The following FSIP1 variants were observed in gnomAD, a reference collection of about 807,000 sequenced individuals.
FSIP1 encodes fibrous sheath interacting protein 1, also known as fibrous sheath-interacting protein 1.
FSIP1 carries 65 observed loss-of-function variants against 60.9 expected under a neutral mutation model. The observed-to-expected ratio is 1.07, with a 90% CI of 0.87 to 1.31. FSIP1 has a LOEUF of 1.31. Ranked by LOEUF, FSIP1 falls within the 40% of genes most tolerant of loss-of-function variation. FSIP1 has a pLI of 0.00. For synonymous variants in FSIP1, 209 were observed against 221.2 expected (o/e 0.94, Z 0.49); for missense variants, 675 against 665.5 (o/e 1.01, Z -0.16).
intron 9 of FSIP1, among the ~76,000 whole-genome samples, chr15:39,716,349 A>C (rs1895737760): frequency 6.6e-6 from 1 of 152,218 alleles, no homozygotes; most frequent in Non-Finnish European, 1.5e-5. Context: ...GAAAGAAAAA[A>C]ATTATAAGTT....
intron 3 of FSIP1, among the ~76,000 whole-genome samples, chr15:39,769,107 G>A (rs1438314210): frequency 1.3e-5 from 2 of 151,856 alleles, no homozygotes; most frequent in South Asian, 2.1e-4. Flanking sequence ...GTGAAACCCC[G>A]TCTCTACTAA....
At chr15:39,758,119 A>C (rs1030065233) in intron 5 of FSIP1, among the ~76,000 whole-genome samples, 1 of 152,182 alleles carries the variant, frequency 6.6e-6, no homozygotes, top group Non-Finnish European at 1.5e-5. Flanking sequence ...GGCCTACAGC[A>C]GTCACATAAC....
At chr15:39,688,701 C>A (rs576989419) in intron 10 of FSIP1, among the ~76,000 whole-genome samples, 1 of 152,230 alleles carries the variant, frequency 6.6e-6, no homozygotes, top group Admixed American at 6.5e-5. Flanking sequence ...GAAGCACAGC[C>A]CTGTTCCACA....
chr15:39,724,180 T>C (rs957518716), intron 9 of FSIP1, among the ~76,000 whole-genome samples: 2 of 152,154 alleles, frequency 1.3e-5, no homozygotes, highest in Non-Finnish European at 2.9e-5. Flanking sequence ...TTTTAAAATA[T>C]CTTATCTGAA....
intron 10 of FSIP1, among the ~76,000 whole-genome samples, chr15:39,678,281 A>C (rs1205636316): frequency 1.3e-5 from 2 of 152,070 alleles, no homozygotes; most frequent in Non-Finnish European, 2.9e-5. Context: ...ATTAATAAAC[A>C]TACTCCATTT....
intron 10 of FSIP1, among the ~76,000 whole-genome samples, chr15:39,663,634 C>G (rs760621225): frequency 6.6e-6 from 1 of 152,034 alleles, no homozygotes; most frequent in Non-Finnish European, 1.5e-5. Flanking sequence ...ATGGACTAAA[C>G]CATTTTCATT....
intron 5 of FSIP1, among the ~76,000 whole-genome samples, chr15:39,752,486 T>C (rs1897192594): frequency 1.3e-5 from 2 of 152,044 alleles, no homozygotes; most frequent in Admixed American, 1.3e-4. Flanking sequence ...GTTATGTTAA[T>C]AATATGATGT....
intron 9 of FSIP1, among the ~76,000 whole-genome samples, chr15:39,715,105 T>C (rs1229220141): frequency 6.6e-6 from 1 of 152,100 alleles, no homozygotes; most frequent in Non-Finnish European, 1.5e-5. Flanking sequence ...ACCCTGTTGA[T>C]TCCATTCTTT....
At chr15:39,597,549 A>G (rs1890498092), downstream of FSIP1, 1 of 152,054 alleles carries the variant, frequency 6.6e-6, no homozygotes, top group Non-Finnish European at 1.5e-5. Flanking sequence ...AAATCAATAT[A>G]GCATATACAA....
intron 10 of FSIP1, among the ~76,000 whole-genome samples, chr15:39,635,968 G>A (rs537381964): frequency 2.0e-5 from 3 of 152,152 alleles, no homozygotes; most frequent in South Asian, 4.2e-4. Flanking sequence ...CCTCCTCACT[G>A]TATCTCTTAG....
intron 10 of FSIP1, among the ~76,000 whole-genome samples, chr15:39,671,962 G>T (rs1192122657): frequency 6.6e-6 from 1 of 152,162 alleles, no homozygotes; most frequent in African/African-American, 2.4e-5. Context: ...AATCCAACTA[G>T]AGTCACCTAC....
At chr15:39,620,640 G>T (rs1447089811) in intron 10 of FSIP1, among the ~76,000 whole-genome samples, 1 of 150,844 alleles carries the variant, frequency 6.6e-6, no homozygotes, top group Non-Finnish European at 1.5e-5. Context: ...CGCGCAGGCT[G>T]GAGTGCAGTG....
intron 10 of FSIP1, among the ~76,000 whole-genome samples, chr15:39,650,631 A>G (rs1422690516): frequency 6.6e-6 from 1 of 152,156 alleles, no homozygotes; most frequent in Non-Finnish European, 1.5e-5. Context: ...TTTGAAAACG[A>G]CTTTATGTAG....
In FSIP1 at chr15:39,764,609, G is replaced by A. The variant is rs554541750; in HGVS notation, c.466-695C>T. Among the ~76,000 whole-genome samples the A allele has an allele frequency of 2.0e-5, 3 of 152,264 alleles. No individual in the cohort carries two copies. In the East Asian group the frequency reaches 5.8e-4, roughly 29 times the overall value. On this transcript the variant is annotated intron_variant, in intron 4 of 11. Transcript: ENST00000350221. ...GGTCAAAATTGAAATATGAGCCAAT[G>A]GCTATATACCAAGTCAATGCCAACA...
chr15:39,623,337 C>A (rs1386193827), intron 10 of FSIP1, among the ~76,000 whole-genome samples: 1 of 152,174 alleles, frequency 6.6e-6, no homozygotes, highest in Non-Finnish European at 1.5e-5. Flanking sequence ...GCAATCTTGT[C>A]CTTTGATGTA....
At chr15:39,705,854 C>T (rs1167374499) in intron 10 of FSIP1, among the ~76,000 whole-genome samples, 3 of 151,884 alleles carry the variant, frequency 2.0e-5, no homozygotes, top group East Asian at 1.9e-4. Context: ...AAAACTTAGC[C>T]GGGTGTGCTG....
At chr15:39,607,757 G>A (rs1444084166) in intron 11 of FSIP1, among the ~76,000 whole-genome samples, 2 of 152,156 alleles carry the variant, frequency 1.3e-5, no homozygotes, top group African/African-American at 2.4e-5. Context: ...GCACATCAAG[G>A]AAAAGACAAC....
intron 8 of FSIP1, among the ~76,000 whole-genome samples, chr15:39,735,569 A>G (rs1896575977): frequency 6.6e-6 from 1 of 152,190 alleles, no homozygotes; most frequent in Non-Finnish European, 1.5e-5. Flanking sequence ...CACCAAGGAC[A>G]TTACTGGCTG....
Position 39,775,566 on chromosome 15 carries a change from T to C in FSIP1, c.126+833A>G, listed in dbSNP as rs567824142. Among the ~76,000 whole-genome samples, 14 of 152,332 alleles carry C rather than the reference T, an allele frequency of 9.2e-5. No individual in the cohort carries two copies. The South Asian group carries it at 2.9e-3, about 32-fold the overall frequency. Reference sequence around the variant, plus strand: ...TAATATCTGATATGTTTTGACTCTGTGTCCCCACCCAAATCTCATGTCGAA... The same window carrying C: ...TAATATCTGATATGTTTTGACTCTGCGTCCCCACCCAAATCTCATGTCGAA... On this transcript the variant is annotated intron_variant, in intron 2 of 11. Coordinates refer to ENST00000350221, the MANE Select transcript of FSIP1 (RefSeq NM_152597.5).
Sources: allele counts gnomAD v4.1 joint callset (sites outside exome capture counted in the v4.1 genomes callset), GRCh38; gene constraint gnomAD v4.1.1; transcripts MANE v1.5; gene names NCBI Gene and HGNC (gene_info 2026-07-23, HGNC 2026-07-21).